GPC3: variants seen among roughly 807,000 people sequenced by gnomAD.
The protein encoded by GPC3 is glypican-3.
A neutral mutation model predicts 34.4 loss-of-function variants in GPC3; 3 were observed. That is an observed-to-expected ratio of 0.09 (90% CI 0.04 to 0.23). The LOEUF (loss-of-function observed/expected upper bound fraction) is 0.23, where lower values mean the gene tolerates loss of function less well. Among genes scored for constraint, GPC3 ranks in the 10% least tolerant of loss-of-function variants. GPC3 has a pLI of 1.00. For missense variants in GPC3, 351 were observed against 445.6 expected, an observed-to-expected ratio of 0.79 and a Z score of 1.91; for synonymous variants, 177 against 174.0, an observed-to-expected ratio of 1.02 and a Z score of -0.13.
chrX:133,973,315 A>G (rs1028070439), intron 1 of GPC3, among the ~76,000 whole-genome samples: 1 of 112,978 alleles, frequency 8.9e-6, no homozygotes. Context: ...GGGTAAGTAA[A>G]CCTTTCTGAG....
At chrX:133,980,603 AAC>A (rs1569462066) in intron 1 of GPC3, among the ~76,000 whole-genome samples, 1 of 112,258 alleles carries the variant, frequency 8.9e-6, no homozygotes. Flanking sequence ...AGCATGCCAG[AAC>A]TTTTCAGTTG....
intron 7 of GPC3, among the ~76,000 whole-genome samples, chrX:133,538,421 ACT>A (rs2069313467): frequency 9.0e-6 from 1 of 111,047 alleles, no homozygotes; most frequent in Non-Finnish European, 1.9e-5. Flanking sequence ...GAATGCGAGC[ACT>A]CTCAGCATTG....
At chrX:133,625,128 A>G (rs1249464512) in intron 6 of GPC3, among the ~76,000 whole-genome samples, 5 of 112,035 alleles carry the variant, frequency 4.5e-5, no homozygotes, top group Admixed American at 2.9e-4. Flanking sequence ...CTTCATGCTA[A>G]AAACTCTCAA....
At chrX:133,660,932 G>A (rs1410773562) in intron 6 of GPC3, among the ~76,000 whole-genome samples, 1 of 111,658 alleles carries the variant, frequency 9.0e-6, no homozygotes. Context: ...ACTTTGCGGG[G>A]CTGATGCAGG....
chrX:133,810,693 C>T (rs1425493232), intron 2 of GPC3, among the ~76,000 whole-genome samples: 1 of 108,684 alleles, frequency 9.2e-6, no homozygotes, highest in Non-Finnish European at 1.9e-5. Context: ...ATCACGAGGT[C>T]AGGAGATTGA....
chrX:133,643,831 G>GTTTTTTTTTTTTTTTTTTTTTTTTT (rs778326133), intron 6 of GPC3, among the ~76,000 whole-genome samples: 1 of 96,996 alleles, frequency 1.0e-5, no homozygotes, highest in African/African-American at 4.0e-5. Context: ...TTGTTTTTAT[G>GTTTTTTTTTTTTTTTTTTTTTTTTT]TTTTTTTTTT....
At chrX:133,538,240 A>G in intron 7 of GPC3, among the ~76,000 whole-genome samples, 1 of 112,298 alleles carries the variant, frequency 8.9e-6, no homozygotes, top group Non-Finnish European at 1.9e-5. Flanking sequence ...TGCAGGGTGC[A>G]CAGAGAAGGC....
intron 3 of GPC3, among the ~76,000 whole-genome samples, chrX:133,721,276 A>G (rs1054198868): frequency 2.7e-5 from 3 of 110,443 alleles, no homozygotes; most frequent in South Asian, 3.8e-4. Context: ...GTAGATTGAT[A>G]AAGAAAAAAG....
chrX:133,605,063 A>C (rs1399177444), intron 6 of GPC3, among the ~76,000 whole-genome samples: 2 of 111,579 alleles, frequency 1.8e-5, no homozygotes, highest in Non-Finnish European at 3.8e-5. Flanking sequence ...GAATGCACCA[A>C]ACCACAGCCA....
chrX:133,538,416 C>T (rs1007729454), intron 7 of GPC3, among the ~76,000 whole-genome samples: 2 of 111,444 alleles, frequency 1.8e-5, no homozygotes, highest in Admixed American at 9.6e-5. Flanking sequence ...GACCTGAATG[C>T]GAGCACTCTC....
chrX:133,730,967 G>C (rs2071457050), intron 3 of GPC3, among the ~76,000 whole-genome samples: 1 of 111,891 alleles, frequency 8.9e-6, no homozygotes, highest in Admixed American at 9.5e-5. Flanking sequence ...ATATTTGAGG[G>C]CCATTCCAGA....
chrX:133,682,204 C>T (rs1309697325), intron 5 of GPC3, among the ~76,000 whole-genome samples: 1 of 110,732 alleles, frequency 9.0e-6, no homozygotes. Context: ...AGCAACACAG[C>T]GAGACCCAGT....
chrX:133,612,485 G>C (rs2070121837), intron 6 of GPC3, among the ~76,000 whole-genome samples: 1 of 111,948 alleles, frequency 8.9e-6, no homozygotes, highest in African/African-American at 3.2e-5. Context: ...CAGTCTAGCT[G>C]ACAGGGAAAC....
intron 3 of GPC3, 87 bp downstream of exon 3, chrX:133,753,395 T>C: frequency 1.4e-6 from 1 of 720,188 alleles, no homozygotes. Context: ...TCCAATTTTG[T>C]TCTCATTTCT....
chrX:133,554,134 C>T (rs901031056), intron 7 of GPC3, among the ~76,000 whole-genome samples: 6 of 109,011 alleles, frequency 5.5e-5, no homozygotes, highest in African/African-American at 2.0e-4. Context: ...CTGCCTCAGC[C>T]CCCTGAGTAG....
intron 2 of GPC3, among the ~76,000 whole-genome samples, chrX:133,855,188 G>T (rs1304731100): frequency 1.8e-5 from 2 of 109,708 alleles, no homozygotes; most frequent in African/African-American, 6.7e-5. Flanking sequence ...GTTGAGACAG[G>T]GTCCTGTTTT....
At chrX:133,590,655 A>C (rs1215369244) in intron 7 of GPC3, among the ~76,000 whole-genome samples, 1 of 111,998 alleles carries the variant, frequency 8.9e-6, no homozygotes, top group Non-Finnish European at 1.9e-5. Context: ...ATAGCATCCT[A>C]ATGCAAAAAT....
chrX:133,641,478 A>G (rs941781879), intron 6 of GPC3, among the ~76,000 whole-genome samples: 2 of 107,882 alleles, frequency 1.9e-5, no homozygotes, highest in Admixed American at 1.0e-4. Context: ...TGTCTCAAAG[A>G]AAAAAAAAAC....
intron 7 of GPC3, among the ~76,000 whole-genome samples, chrX:133,574,487 A>G (rs2069660176): frequency 8.9e-6 from 1 of 112,253 alleles, no homozygotes; most frequent in Non-Finnish European, 1.9e-5. Flanking sequence ...ATATTGACCA[A>G]AGATAACGAC....
Sources: gnomAD v4.1 joint callset for allele counts (sites outside exome capture counted in the v4.1 genomes callset) on GRCh38, gnomAD v4.1.1 for gene constraint, MANE v1.5 for transcripts, NCBI Gene and HGNC (gene_info 2026-07-23, HGNC 2026-07-21) for gene names.